OCA2: variants seen among roughly 807,000 people sequenced by gnomAD.
OCA2 encodes P protein.
OCA2 carries 77 observed loss-of-function variants against 100.2 expected under a neutral mutation model. The observed-to-expected ratio is 0.77, with a 90% CI of 0.64 to 0.93. The LOEUF (loss-of-function observed/expected upper bound fraction) is 0.93, where lower values mean the gene tolerates loss of function less well. Among genes scored for constraint, OCA2 ranks in the 40% least tolerant of loss-of-function variants. The pLI is 0.00. For missense variants in OCA2, 1,062 were observed against 1,089.1 expected, an observed-to-expected ratio of 0.98 and a Z score of 0.35; for synonymous variants, 432 against 439.2, an observed-to-expected ratio of 0.98 and a Z score of 0.21.
intron 8 of OCA2, 75 bp downstream of exon 8, chr15:28,016,029 T>C: frequency 9.6e-6 from 11 of 1,142,946 alleles, no homozygotes; most frequent in Non-Finnish European, 1.5e-5. Context: ...GAAATCAGTG[T>C]CCTATAGGTC....
At chr15:27,745,099 C>T in the OCA2 span, among the ~76,000 whole-genome samples, 1 of 152,100 alleles carries the variant, frequency 6.6e-6, no homozygotes, top group Non-Finnish European at 1.5e-5. Context: ...CTTGGATCTC[C>T]CACAAGAAAG....
the OCA2 span, among the ~76,000 whole-genome samples, chr15:27,729,348 T>C: frequency 6.6e-6 from 1 of 151,292 alleles, no homozygotes; most frequent in East Asian, 2.0e-4. Context: ...AGACTTTTTG[T>C]CATCTCAAAA....
At position 27,800,114 on chromosome 15, in the gene OCA2, A is replaced by G. The variant is rs571414467; in HGVS notation, c.2433-44642T>C. On this transcript the variant is annotated intron_variant, in intron 23 of 23. Coordinates refer to ENST00000354638, the MANE Select transcript of OCA2 (RefSeq NM_000275.3). ...GCATTTCTAAATAACCTGTAGATCA[A>G]AAATGAAGCCAAAAGGAAACTAGAA... 3.2e-4 allele frequency among the ~76,000 whole-genome samples: 48 copies of G among 152,358 alleles called. No individual in the cohort carries two copies. In the Middle Eastern group the frequency reaches 0.01, roughly 32 times the overall value.
intron 23 of OCA2, among the ~76,000 whole-genome samples, chr15:27,836,820 C>T (rs2035171081): frequency 6.6e-6 from 1 of 152,142 alleles, no homozygotes; most frequent in South Asian, 2.1e-4. Flanking sequence ...ACAGTATTTT[C>T]TAGATGGTTT....
intron 19 of OCA2, among the ~76,000 whole-genome samples, chr15:27,888,446 G>A (rs114907100): frequency 0.016 from 2,368 of 152,118 alleles, 55 homozygotes; most frequent in African/African-American, 0.05. Flanking sequence ...GAATGGGAAA[G>A]GACAAACACC....
intron 18 of OCA2, among the ~76,000 whole-genome samples, chr15:27,932,021 T>C (rs2039269612): frequency 3.9e-5 from 6 of 152,232 alleles, no homozygotes; most frequent in Admixed American, 3.9e-4. Context: ...AAGGCACCAC[T>C]TTGAATTCCA....
At position 27,781,428 on chromosome 15, in the gene OCA2, G is replaced by C. The variant is rs74007370; in HGVS notation, c.2433-25956C>G. On this transcript the variant is annotated intron_variant, in intron 23 of 23. Coordinates refer to ENST00000354638, the MANE Select transcript of OCA2 (RefSeq NM_000275.3). ...AAGCAAACCATCCCAGCACCACACA[G>C]CAGGGTGGACACTGCGGTTGTGGGG... is the stretch of plus-strand genomic sequence containing the variant. 7.3e-3 allele frequency among the ~76,000 whole-genome samples: 1,109 copies of C among 152,274 alleles called. 14 individuals are homozygous for C. Among genetic ancestry groups the C allele is most frequent in the African/African-American group, 0.025 (1,046 of 41,558 alleles).
At chr15:27,860,247 T>G (rs1231086060) in intron 21 of OCA2, among the ~76,000 whole-genome samples, 4 of 152,180 alleles carry the variant, frequency 2.6e-5, no homozygotes, top group African/African-American at 9.7e-5. Context: ...GCTCTAATGA[T>G]CTGTGTGAAT....
intron 2 of OCA2, among the ~76,000 whole-genome samples, chr15:28,048,319 G>A (rs1389821771): frequency 6.6e-6 from 1 of 152,172 alleles, no homozygotes; most frequent in Non-Finnish European, 1.5e-5. Context: ...CAACTTTCCA[G>A]TACTCACATT....
chr15:27,842,895 T>C (rs958762707), intron 23 of OCA2, among the ~76,000 whole-genome samples: 3 of 152,214 alleles, frequency 2.0e-5, no homozygotes, highest in African/African-American at 4.8e-5. Flanking sequence ...AAAAGTTCAG[T>C]GCCCACATGC....
intron 23 of OCA2, among the ~76,000 whole-genome samples, chr15:27,799,427 G>T (rs557869909): frequency 2.0e-5 from 3 of 152,146 alleles, no homozygotes; most frequent in African/African-American, 7.2e-5. Context: ...ACTACAATTC[G>T]AGTGGTCAAA....
intron 2 of OCA2, among the ~76,000 whole-genome samples, chr15:28,034,602 C>G (rs2141403345): frequency 6.6e-6 from 1 of 152,210 alleles, no homozygotes; most frequent in African/African-American, 2.4e-5. Context: ...ATAGCAAAAC[C>G]CTGTCTCTAA....
intron 2 of OCA2, among the ~76,000 whole-genome samples, chr15:28,033,616 T>A (rs2042969696): frequency 6.6e-6 from 1 of 152,080 alleles, no homozygotes; most frequent in African/African-American, 2.4e-5. Context: ...CACAGGTAAT[T>A]GAGGACTCTC....
At chr15:27,790,787 ATT>A (rs35991529) in intron 23 of OCA2, among the ~76,000 whole-genome samples, 39 of 141,128 alleles carry the variant, frequency 2.8e-4, no homozygotes, top group East Asian at 8.2e-4. Context: ...ATTACCCTGA[ATT>A]TTTTTTTTTT....
intron 19 of OCA2, among the ~76,000 whole-genome samples, chr15:27,911,645 AG>A (rs2038401916): frequency 6.6e-6 from 1 of 152,142 alleles, no homozygotes; most frequent in Non-Finnish European, 1.5e-5. Context: ...TCTCTCACGA[AG>A]TAATAGAGTG....
chr15:27,731,575 T>C, the OCA2 span, among the ~76,000 whole-genome samples: 1 of 152,224 alleles, frequency 6.6e-6, no homozygotes, highest in African/African-American at 2.4e-5. Context: ...AATGGTGAAC[T>C]ACATCTTTCT....
At chr15:27,724,155 G>A in the OCA2 span, among the ~76,000 whole-genome samples, 10 of 152,294 alleles carry the variant, frequency 6.6e-5, no homozygotes, top group African/African-American at 2.2e-4. Context: ...TAAATGTGCA[G>A]GTGTCTGTCT....
rs1052518557 is a variant in OCA2, at chr15:27,984,705, C to T, written c.1364+359G>A. 1.3e-5 allele frequency among the ~76,000 whole-genome samples: 2 copies of T among 152,172 alleles called. 1 individual carries two copies. Among genetic ancestry groups the T allele is most frequent in the East Asian group, 3.9e-4 (2 of 5,170 alleles). ...CCTCCCCAGTAGCTGGGATTACAGG[C>T]ACGTGCCACCACGCCTGGCTAATTT... On this transcript the variant is annotated intron_variant, in intron 13 of 23. Transcript: ENST00000354638.
intron 18 of OCA2, among the ~76,000 whole-genome samples, chr15:27,942,732 G>C (rs759058127): frequency 6.6e-6 from 1 of 152,116 alleles, no homozygotes; most frequent in Non-Finnish European, 1.5e-5. Context: ...CATTTCTTCA[G>C]TGTTATGATG....
Sources: gnomAD v4.1 joint callset for allele counts (sites outside exome capture counted in the v4.1 genomes callset) on GRCh38, gnomAD v4.1.1 for gene constraint, MANE v1.5 for transcripts, NCBI Gene and HGNC (gene_info 2026-07-23, HGNC 2026-07-21) for gene names.